Variants in CDK5RAP2 observed in about 807,000 individuals in gnomAD.
CDK5RAP2 encodes the protein CDK5 regulatory subunit associated protein 2.
CDK5RAP2 carries 147 observed loss-of-function variants against 232.9 expected under a neutral mutation model. The ratio of observed to expected loss-of-function variants is 0.63; its 90% confidence interval spans 0.55 to 0.72. The LOEUF is 0.72. Among genes scored for constraint, CDK5RAP2 ranks in the 30% least tolerant of loss-of-function variants. The pLI is 0.00. For missense variants in CDK5RAP2, 2,195 were observed against 2,231.5 expected, an observed-to-expected ratio of 0.98 and a Z score of 0.33; for synonymous variants, 833 against 833.7, an observed-to-expected ratio of 1.00 and a Z score of 0.01.
intron 12 of CDK5RAP2, among the ~76,000 whole-genome samples, chr9:120,508,470 C>T (rs1019882217): frequency 6.6e-6 from 1 of 152,194 alleles, no homozygotes; most frequent in Admixed American, 6.5e-5. Context: ...TGAAACAGTC[C>T]TTGGCATACA....
intron 4 of CDK5RAP2, among the ~76,000 whole-genome samples, chr9:120,546,552 G>C (rs1376922828): frequency 6.6e-6 from 1 of 152,234 alleles, no homozygotes; most frequent in Non-Finnish European, 1.5e-5. Context: ...AGTAGTAGAT[G>C]GGGGTTTGGG....
At chr9:120,447,564 G>A (rs901858552) in intron 22 of CDK5RAP2, among the ~76,000 whole-genome samples, 1 of 152,182 alleles carries the variant, frequency 6.6e-6, no homozygotes, top group African/African-American at 2.4e-5. Context: ...GCATACCTCT[G>A]ATGCCACACG....
intron 14 of CDK5RAP2, among the ~76,000 whole-genome samples, chr9:120,478,504 G>C (rs961409394): frequency 3.3e-5 from 5 of 152,174 alleles, no homozygotes; most frequent in Admixed American, 3.3e-4. Flanking sequence ...AGGCACAGCG[G>C]CTCACACCTA....
chr9:120,430,977 T>C (rs1213423805), intron 25 of CDK5RAP2, among the ~76,000 whole-genome samples: 3 of 151,932 alleles, frequency 2.0e-5, no homozygotes, highest in African/African-American at 2.4e-5. Context: ...ATGGATGAAA[T>C]TGGAAATCAT....
In CDK5RAP2 at chr9:120,389,263, T is replaced by C. The variant is rs750756984; in HGVS notation, c.5655A>G (p.Thr1885=). 2 of 1,612,970 alleles carry C rather than the reference T, an allele frequency of 1.2e-6. No homozygotes were observed. The highest frequency in any genetic ancestry group is 1.7e-6 in the Non-Finnish European group (2 of 1,179,488). The stretch of plus-strand genomic sequence containing the variant: ...AGGAGCCTGGTCTGCTGGGACTGCA[T>C]GTTCCTGGATGGGCTCCCCCAGGCC... ...ELRPGGAHPG[T]CSPSRPGS Residue 1885 remains threonine, a synonymous_variant, in exon 38 of 38, where the codon ACA becomes ACG. Transcript: ENST00000349780.
intron 11 of CDK5RAP2, among the ~76,000 whole-genome samples, chr9:120,523,162 G>C (rs1396763034): frequency 6.6e-6 from 1 of 152,152 alleles, no homozygotes; most frequent in Non-Finnish European, 1.5e-5. Flanking sequence ...GACCAACACT[G>C]TACATTGTAA....
At chr9:120,569,319 G>A (rs552482332) in intron 2 of CDK5RAP2, among the ~76,000 whole-genome samples, 201 of 152,230 alleles carry the variant, frequency 1.3e-3, no homozygotes, top group African/African-American at 4.8e-3. Flanking sequence ...TCTAGAGGGA[G>A]GAAACACAAT....
intron 12 of CDK5RAP2, among the ~76,000 whole-genome samples, chr9:120,511,690 A>G (rs2040091668): frequency 6.7e-6 from 1 of 148,488 alleles, no homozygotes; most frequent in African/African-American, 2.5e-5. Context: ...TACCAGTTGA[A>G]TTGTAAGTCC....
chr9:120,412,597 T>C (rs1248319170), intron 28 of CDK5RAP2, among the ~76,000 whole-genome samples: 4 of 152,228 alleles, frequency 2.6e-5, no homozygotes, highest in Non-Finnish European at 5.9e-5. Context: ...ATCCAAACTT[T>C]GCTGTCACTG....
chr9:120,393,841 A>G (rs1292869683), intron 36 of CDK5RAP2, among the ~76,000 whole-genome samples: 2 of 152,136 alleles, frequency 1.3e-5, no homozygotes. Flanking sequence ...CTGGATCCCC[A>G]GCGTCCTAGC....
rs1398013188 is a variant in CDK5RAP2, at chr9:120,411,342, C to G, written c.4414+16G>C. The G allele has an allele frequency of 6.9e-7, 1 of 1,449,238 alleles. No individual in the cohort carries two copies. Among genetic ancestry groups the G allele is most frequent in the Admixed American group, 1.7e-5 (1 of 59,816 alleles). The allele number at this position is 1,449,238 out of a possible 1,614,324, so 89.8% of individuals were successfully genotyped here. ...CTTTGGCGTTCCAGACTTCCAGTGA[C>G]TCCTTTAACTCTTACCTCTGGATCC... On this transcript the variant is annotated intron_variant, in intron 29 of 37. Transcript: ENST00000349780.
intron 3 of CDK5RAP2, among the ~76,000 whole-genome samples, chr9:120,560,285 A>G (rs536724070): frequency 6.5e-4 from 99 of 152,350 alleles, no homozygotes; most frequent in Non-Finnish European, 1.2e-3. Context: ...CAACTAAATG[A>G]GCTAAAGCAC....
rs1428330800 is a variant in CDK5RAP2 at position 120,491,301 on chromosome 9, C to T, written c.1482+6G>A. Reference sequence around the variant, plus strand: ...TTAAAAAATTTAAATACAAAAGTTACAGTACCTGAAGCAACACGTCCTTCT... The same window carrying T: ...TTAAAAAATTTAAATACAAAAGTTATAGTACCTGAAGCAACACGTCCTTCT... On this transcript the variant is annotated splice_donor_region_variant and intron_variant, in intron 13 of 37. Coordinates refer to ENST00000349780, the MANE Select transcript of CDK5RAP2 (RefSeq NM_018249.6). The T allele has an allele frequency of 1.9e-6, 3 of 1,607,936 alleles. No homozygotes were observed. The African/African-American group carries it at 4.0e-5, about 21-fold the overall frequency.
intron 31 of CDK5RAP2, chr9:120,407,796 T>C (rs545457815): frequency 5.4e-6 from 1 of 186,572 alleles, no homozygotes; most frequent in Admixed American, 5.4e-5. Flanking sequence ...TGAGCTGGTA[T>C]CTCTCCTGGG....
chr9:120,535,519 A>G (rs2131958182), intron 7 of CDK5RAP2, among the ~76,000 whole-genome samples: 1 of 152,352 alleles, frequency 6.6e-6, no homozygotes, highest in East Asian at 1.9e-4. Context: ...GCTTTAGAAC[A>G]ATTTCTATCA....
intron 27 of CDK5RAP2, among the ~76,000 whole-genome samples, chr9:120,416,288 C>T (rs1367729375): frequency 1.3e-5 from 2 of 152,182 alleles, no homozygotes; most frequent in Non-Finnish European, 2.9e-5. Context: ...CTCTGACCAA[C>T]TGACTAAAAA....
At chr9:120,533,747 A>G (rs7852666) in intron 7 of CDK5RAP2, among the ~76,000 whole-genome samples, 146,541 of 149,704 alleles carry the variant, frequency 0.98, 71,785 homozygotes, top group East Asian at 1. Context: ...GCAGTAAGCC[A>G]AGATCACGCC....
intron 12 of CDK5RAP2, among the ~76,000 whole-genome samples, chr9:120,506,150 T>C (rs2039800966): frequency 6.6e-6 from 1 of 152,246 alleles, no homozygotes; most frequent in South Asian, 2.1e-4. Context: ...TAACTTTAAC[T>C]GGAAGCCAGT....
intron 35 of CDK5RAP2, among the ~76,000 whole-genome samples, chr9:120,399,457 A>T (rs10125592): frequency 6.6e-6 from 1 of 152,104 alleles, no homozygotes; most frequent in Non-Finnish European, 1.5e-5. Flanking sequence ...TTAAACAAAT[A>T]TACAATTATA....
Sources: gnomAD v4.1 joint callset for allele counts (sites outside exome capture counted in the v4.1 genomes callset) on GRCh38, gnomAD v4.1.1 for gene constraint, MANE v1.5 for transcripts, NCBI Gene and HGNC (gene_info 2026-07-23, HGNC 2026-07-21) for gene names.